MYRIP: variants seen among roughly 807,000 people sequenced by gnomAD.
The protein encoded by MYRIP is rab effector MyRIP.
Under a neutral mutation model 98.0 loss-of-function variants are expected in MYRIP, and 49 were observed. The observed-to-expected ratio is 0.50, with a 90% CI of 0.40 to 0.63. MYRIP has a LOEUF of 0.63. Ranked by LOEUF, MYRIP falls within the 30% of genes least tolerant of loss-of-function variation. MYRIP has a pLI of 0.00. For synonymous variants in MYRIP, 404 were observed against 409.5 expected, an observed-to-expected ratio of 0.99 and a Z score of 0.16; for missense variants, 1,004 against 1,058.2, an observed-to-expected ratio of 0.95 and a Z score of 0.71.
chr3:40,024,646 A>C (rs1268761442), intron 2 of MYRIP, among the ~76,000 whole-genome samples: 4 of 151,640 alleles, frequency 2.6e-5, no homozygotes, highest in African/African-American at 9.7e-5. Context: ...GTATAATACG[A>C]GTGTACAGTG....
chr3:40,025,358 A>AT (rs570203045), intron 2 of MYRIP, among the ~76,000 whole-genome samples: 2,994 of 148,566 alleles, frequency 0.02, 86 homozygotes, highest in African/African-American at 0.067. Context: ...GCCTTGACAG[A>AT]TTTTTTTTTT....
intron 2 of MYRIP, among the ~76,000 whole-genome samples, chr3:40,029,118 G>T (rs1478739558): frequency 6.6e-6 from 1 of 152,096 alleles, no homozygotes; most frequent in Non-Finnish European, 1.5e-5. Flanking sequence ...GTATCTCTGA[G>T]ATATCGATAT....
chr3:40,187,558 G>A (rs1284743305), intron 9 of MYRIP, among the ~76,000 whole-genome samples: 3 of 152,196 alleles, frequency 2.0e-5, no homozygotes, highest in Non-Finnish European at 2.9e-5. Context: ...TCAGAGAACC[G>A]AGGCACAGAG....
At chr3:40,200,562 TA>T (rs1951527038) in intron 10 of MYRIP, among the ~76,000 whole-genome samples, 1 of 152,180 alleles carries the variant, frequency 6.6e-6, no homozygotes, top group Non-Finnish European at 1.5e-5. Context: ...ATAGTTAAAT[TA>T]TTTGGGGCCT....
At chr3:40,126,353 G>A (rs541627806) in intron 3 of MYRIP, among the ~76,000 whole-genome samples, 48 of 152,158 alleles carry the variant, frequency 3.2e-4, no homozygotes, top group African/African-American at 1.4e-4. Context: ...ACACCTTAGC[G>A]TTTTGGTTAA....
At chr3:39,877,807 TGAG>T (rs1432762207) in intron 1 of MYRIP, among the ~76,000 whole-genome samples, 1 of 152,162 alleles carries the variant, frequency 6.6e-6, no homozygotes, top group African/African-American at 2.4e-5. Context: ...GGGACCCACT[TGAG>T]GAGGCAGTCT....
At chr3:39,950,688 G>A (rs1192817928) in intron 2 of MYRIP, among the ~76,000 whole-genome samples, 1 of 152,174 alleles carries the variant, frequency 6.6e-6, no homozygotes, top group Non-Finnish European at 1.5e-5. Context: ...AAGAACATGA[G>A]TAGAAGCTGC....
At chr3:39,932,994 A>G (rs1462683759) in intron 2 of MYRIP, among the ~76,000 whole-genome samples, 1 of 152,216 alleles carries the variant, frequency 6.6e-6, no homozygotes, top group Non-Finnish European at 1.5e-5. Flanking sequence ...TGAGGACAGA[A>G]TACATAGCAT....
At chr3:40,040,722 C>A (rs1395522702) in intron 2 of MYRIP, among the ~76,000 whole-genome samples, 12 of 58,628 alleles carry the variant, frequency 2.0e-4, no homozygotes, top group African/African-American at 6.6e-4. Context: ...AGTAAACTAT[C>A]GCAAGAACAA....
intron 1 of MYRIP, among the ~76,000 whole-genome samples, chr3:39,886,688 G>C (rs1162425565): frequency 6.6e-6 from 1 of 151,644 alleles, no homozygotes; most frequent in Non-Finnish European, 1.5e-5. Flanking sequence ...GATTCATAAA[G>C]CAAGTCCTGA....
chr3:39,924,389 G>A (rs1944368984), intron 2 of MYRIP, among the ~76,000 whole-genome samples: 2 of 151,910 alleles, frequency 1.3e-5, no homozygotes, highest in South Asian at 4.2e-4. Context: ...AATCAGAGAG[G>A]GGCATTGCAT....
intron 1 of MYRIP, among the ~76,000 whole-genome samples, chr3:39,897,457 T>A (rs1943639063): frequency 6.6e-6 from 1 of 152,228 alleles, no homozygotes; most frequent in Non-Finnish European, 1.5e-5. Context: ...TTAGTAAATT[T>A]AAAAACATAT....
chr3:39,999,927 C>CA (rs1370093765), intron 2 of MYRIP, among the ~76,000 whole-genome samples: 1 of 149,446 alleles, frequency 6.7e-6, no homozygotes, highest in Non-Finnish European at 1.5e-5. Flanking sequence ...ATCGCAAGGA[C>CA]AAAAAACCAA....
intron 1 of MYRIP, among the ~76,000 whole-genome samples, chr3:39,839,065 A>G (rs1011921905): frequency 7.3e-5 from 11 of 151,554 alleles, no homozygotes; most frequent in Middle Eastern, 3.4e-3. Flanking sequence ...TATTGTGTCT[A>G]TTTGATTCTT....
chr3:40,111,244 A>G (rs1015734434), intron 3 of MYRIP, among the ~76,000 whole-genome samples: 1 of 152,184 alleles, frequency 6.6e-6, no homozygotes, highest in Non-Finnish European at 1.5e-5. Flanking sequence ...GGCTGCCTAT[A>G]TGATTTTTGG....
chr3:39,855,291 A>C (rs1942252603), intron 1 of MYRIP, among the ~76,000 whole-genome samples: 1 of 152,126 alleles, frequency 6.6e-6, no homozygotes, highest in Non-Finnish European at 1.5e-5. Flanking sequence ...TGGTGTTTTC[A>C]AGAGAGCATG....
At chr3:39,931,968 C>T (rs974070933) in intron 2 of MYRIP, among the ~76,000 whole-genome samples, 3 of 152,100 alleles carry the variant, frequency 2.0e-5, no homozygotes, top group African/African-American at 7.2e-5. Flanking sequence ...CTGTACTTTT[C>T]TTGTGATATC....
intron 11 of MYRIP, among the ~76,000 whole-genome samples, chr3:40,227,550 G>C (rs1952523812): frequency 6.6e-6 from 1 of 151,994 alleles, no homozygotes; most frequent in Admixed American, 6.6e-5. Flanking sequence ...GATTATAGAG[G>C]CTTTTTTCTT....
chr3:40,253,203 T>C (rs1315246442), intron 16 of MYRIP, among the ~76,000 whole-genome samples: 1 of 152,174 alleles, frequency 6.6e-6, no homozygotes, highest in Non-Finnish European at 1.5e-5. Context: ...GTAAAAGGAA[T>C]TCAGCAAATC....
Sources: allele counts gnomAD v4.1 joint callset (sites outside exome capture counted in the v4.1 genomes callset), GRCh38; gene constraint gnomAD v4.1.1; transcripts MANE v1.5; gene names NCBI Gene and HGNC (gene_info 2026-07-23, HGNC 2026-07-21).